The following KIAA0825 variants were observed in gnomAD, a reference collection of about 807,000 sequenced individuals.
The protein encoded by KIAA0825 is uncharacterized protein KIAA0825.
Under a neutral mutation model 147.6 loss-of-function variants are expected in KIAA0825, and 119 were observed. The observed-to-expected ratio is 0.81, with a 90% CI of 0.69 to 0.94. KIAA0825 has a LOEUF of 0.94. Ranked by LOEUF, KIAA0825 falls within the 40% of genes least tolerant of loss-of-function variation. The pLI is 0.00. For missense variants in KIAA0825, 1,381 were observed against 1,472.7 expected (o/e 0.94, Z 1.02); for synonymous variants, 470 against 518.1 (o/e 0.91, Z 1.26).
At chr5:94,187,861 A>C (rs1392212541) in intron 20 of KIAA0825, among the ~76,000 whole-genome samples, 1 of 152,214 alleles carries the variant, frequency 6.6e-6, no homozygotes, top group Admixed American at 6.5e-5. Context: ...CTGTCAAAGA[A>C]AACAAATGGA....
rs190669846 is a variant in KIAA0825 at position 94,373,545 on chromosome 5, G to A, written c.3710+10823C>T. ...GCAAACACGTCCTTCTTTACATGGC[G>A]GCAGGTGAGAGAATGAGATCTAAGC... On this transcript the variant is annotated intron_variant, in intron 20 of 20. Coordinates refer to ENST00000682413, the MANE Select transcript of KIAA0825 (RefSeq NM_001145678.3). Among the ~76,000 whole-genome samples, 25 of 152,112 alleles carry A rather than the reference G, an allele frequency of 1.6e-4. No individual in the cohort carries two copies. In the East Asian group the frequency reaches 1.7e-3, roughly 11 times the overall value.
intron 18 of KIAA0825, among the ~76,000 whole-genome samples, chr5:94,388,732 A>G (rs1162766401): frequency 1.3e-5 from 2 of 152,236 alleles, no homozygotes; most frequent in African/African-American, 2.4e-5. Flanking sequence ...ACTGACAGTC[A>G]TCACTAACCC....
At chr5:94,386,971 C>G (rs1187391115) in intron 18 of KIAA0825, among the ~76,000 whole-genome samples, 2 of 152,084 alleles carry the variant, frequency 1.3e-5, no homozygotes, top group African/African-American at 4.8e-5. Flanking sequence ...ATTATAATCC[C>G]CCAACTGCCA....
At chr5:94,383,862 A>T (rs1748774013) in intron 20 of KIAA0825, among the ~76,000 whole-genome samples, 1 of 150,880 alleles carries the variant, frequency 6.6e-6, no homozygotes, top group African/African-American at 2.4e-5. Flanking sequence ...TGGCTATATT[A>T]AGACAGTACC....
intron 20 of KIAA0825, among the ~76,000 whole-genome samples, chr5:94,168,843 A>T (rs1288829320): frequency 6.6e-6 from 1 of 152,166 alleles, no homozygotes; most frequent in African/African-American, 2.4e-5. Context: ...GTTAAACTTG[A>T]TATATCTGGA....
chr5:94,475,573 C>G (rs867122437), intron 7 of KIAA0825, among the ~76,000 whole-genome samples: 1 of 152,050 alleles, frequency 6.6e-6, no homozygotes, highest in African/African-American at 2.4e-5. Context: ...TTTGGGAGGC[C>G]GAGGCAGGCG....
chr5:94,512,494 C>A (rs1211394218), intron 5 of KIAA0825, among the ~76,000 whole-genome samples: 1 of 151,522 alleles, frequency 6.6e-6, no homozygotes, highest in African/African-American at 2.4e-5. Context: ...AGGCACAGTG[C>A]CTCATGCCTG....
chr5:94,178,112 C>T (rs1044847642), intron 20 of KIAA0825, among the ~76,000 whole-genome samples: 1 of 152,072 alleles, frequency 6.6e-6, no homozygotes, highest in East Asian at 1.9e-4. Context: ...TTCCTATCAT[C>T]TCCTCTGTTT....
At chr5:94,606,760 C>T (rs911342412) in intron 1 of KIAA0825, among the ~76,000 whole-genome samples, 1 of 152,072 alleles carries the variant, frequency 6.6e-6, no homozygotes, top group Admixed American at 6.6e-5. Flanking sequence ...CAGAGAAAAA[C>T]AAACAAACAT....
intron 20 of KIAA0825, among the ~76,000 whole-genome samples, chr5:94,251,056 G>A (rs745664145): frequency 1.3e-5 from 2 of 151,984 alleles, no homozygotes; most frequent in East Asian, 1.9e-4. Flanking sequence ...TAATATGGAC[G>A]AACCAATTAG....
intron 3 of KIAA0825, among the ~76,000 whole-genome samples, chr5:94,528,316 T>C (rs946247833): frequency 1.3e-5 from 2 of 152,178 alleles, no homozygotes; most frequent in African/African-American, 2.4e-5. Flanking sequence ...GAGTTTACTA[T>C]GAGCAACACA....
chr5:94,589,106 T>C (rs1228101390), intron 1 of KIAA0825, among the ~76,000 whole-genome samples: 1 of 152,144 alleles, frequency 6.6e-6, no homozygotes, highest in African/African-American at 2.4e-5. Context: ...GGTATACCTA[T>C]GCAACAAACC....
chr5:94,250,004 T>C (rs2150119176), intron 20 of KIAA0825, among the ~76,000 whole-genome samples: 1 of 152,236 alleles, frequency 6.6e-6, no homozygotes, highest in Middle Eastern at 3.4e-3. Flanking sequence ...ATTTACAAGA[T>C]ATTTCTAGTT....
At chr5:94,565,226 C>T (rs1429887474) in intron 2 of KIAA0825, among the ~76,000 whole-genome samples, 1 of 150,402 alleles carries the variant, frequency 6.6e-6, no homozygotes, top group African/African-American at 2.4e-5. Context: ...AGCCACCATG[C>T]CTGGTCTCTC....
intron 20 of KIAA0825, among the ~76,000 whole-genome samples, chr5:94,327,567 A>G (rs1485793946): frequency 6.6e-6 from 1 of 152,170 alleles, no homozygotes; most frequent in Non-Finnish European, 1.5e-5. Context: ...AAGTCCCGGT[A>G]AAGTGGCACA....
At chr5:94,275,794 G>T (rs745439217) in intron 20 of KIAA0825, among the ~76,000 whole-genome samples, 2 of 151,990 alleles carry the variant, frequency 1.3e-5, no homozygotes, top group African/African-American at 2.4e-5. Flanking sequence ...TACACAGCTC[G>T]CATTGTGTGT....
intron 6 of KIAA0825, among the ~76,000 whole-genome samples, chr5:94,483,122 A>T (rs759886785): frequency 3.3e-5 from 5 of 151,992 alleles, no homozygotes; most frequent in Admixed American, 1.3e-4. Context: ...TTTTCTCTAA[A>T]GTCAGCATGC....
chr5:94,400,115 A>G (rs1680376876), intron 16 of KIAA0825, among the ~76,000 whole-genome samples: 1 of 152,126 alleles, frequency 6.6e-6, no homozygotes, highest in African/African-American at 2.4e-5. Flanking sequence ...AAATCATGGC[A>G]TTTATTTTTC....
chr5:94,400,398 C>T (rs1751221033), intron 16 of KIAA0825, among the ~76,000 whole-genome samples: 1 of 152,036 alleles, frequency 6.6e-6, no homozygotes. Flanking sequence ...GGTTTTTATA[C>T]ACTATACTAA....
Sources: gnomAD v4.1 joint callset for allele counts (sites outside exome capture counted in the v4.1 genomes callset) on GRCh38, gnomAD v4.1.1 for gene constraint, MANE v1.5 for transcripts, NCBI Gene and HGNC (gene_info 2026-07-23, HGNC 2026-07-21) for gene names.